Variants in POM121 observed in about 807,000 individuals in gnomAD.
POM121 encodes the protein nuclear envelope pore membrane protein POM 121.
In POM121, 32 loss-of-function variants were observed where a neutral mutation model predicts 81.3. That is an observed-to-expected ratio of 0.39 (90% CI 0.30 to 0.53). POM121 has a LOEUF of 0.53. Among genes scored for constraint, POM121 ranks in the 20% least tolerant of loss-of-function variants. The pLI, the probability that POM121 is intolerant of heterozygous loss-of-function variation, is 0.66. For synonymous variants in POM121, 514 were observed against 694.2 expected (o/e 0.74, Z 4.08); for missense variants, 1,138 against 1,614.6 (o/e 0.70, Z 5.06).
chr7:72,884,484 ATATAATATATATTTGATAG>A (rs1418487541), intron 1 of POM121, among the ~76,000 whole-genome samples: 9,335 of 58,200 alleles, frequency 0.16, 1,268 homozygotes, highest in African/African-American at 0.35. Flanking sequence ...AAATATATAC[ATATAATATATATTTGATAG>A]CAAATATATA....
chr7:72,943,549 C>T (rs1554502534), intron 11 of POM121, 27 bp downstream of exon 11: 1 of 1,600,600 alleles, frequency 6.2e-7, no homozygotes, highest in Non-Finnish European at 8.5e-7. Context: ...ACTTGGGCTA[C>T]CGGGCCGGAC....
chr7:72,902,280 G>A (rs1586096434), intron 3 of POM121, among the ~76,000 whole-genome samples: 1 of 83,152 alleles, frequency 1.2e-5, no homozygotes, highest in African/African-American at 4.7e-5. Flanking sequence ...TTTTTGAGAT[G>A]GAGTTTCGTT....
chr7:72,948,857 T>A, downstream of POM121: 1 of 1,577,036 alleles, frequency 6.3e-7, no homozygotes, highest in Non-Finnish European at 8.7e-7. Context: ...GTTCACCCCA[T>A]CCCCCCCTCC....
chr7:72,914,664 A>G (rs1794131726), intron 4 of POM121, among the ~76,000 whole-genome samples: 1 of 151,992 alleles, frequency 6.6e-6, no homozygotes, highest in Non-Finnish European at 1.5e-5. Flanking sequence ...GTGAGCCACC[A>G]TGCCTGGCCT....
chr7:72,920,152 G>T (rs1554495743), upstream of POM121, among the ~76,000 whole-genome samples: 1 of 151,982 alleles, frequency 6.6e-6, no homozygotes, highest in East Asian at 1.9e-4. Context: ...AAACATGTGG[G>T]ATATAGTTAA....
intron 4 of POM121, among the ~76,000 whole-genome samples, chr7:72,929,362 G>A (rs375920664): frequency 1.3e-5 from 2 of 152,232 alleles, no homozygotes; most frequent in South Asian, 2.1e-4. Context: ...CATGGTTGAC[G>A]TGGGTCACTC....
In POM121 at chr7:72,913,342, C is replaced by T. The variant is rs1410140231; in HGVS notation, c.-215-423C>T. On this transcript the variant is annotated intron_variant, in intron 3 of 15. Transcript: ENST00000395270. The stretch of plus-strand genomic sequence containing the variant: ...TATCCATAGCTGCCTCCGGCATCAG[C>T]AGAGAAAGTCATGGGCAGATGGAGC... Among the ~76,000 whole-genome samples the T allele has an allele frequency of 2.6e-5, 4 of 152,240 alleles. No individual in the cohort carries two copies. The South Asian group carries it at 8.3e-4, about 32-fold the overall frequency.
chr7:72,881,372 C>T (rs1156644830), intron 1 of POM121, among the ~76,000 whole-genome samples: 22 of 149,370 alleles, frequency 1.5e-4, no homozygotes, highest in Middle Eastern at 3.4e-3. Flanking sequence ...TGAGTGTTTG[C>T]AGGTTGAGTG....
At chr7:72,939,452 A>G in intron 7 of POM121, 43 bp downstream of exon 7, 6 of 1,611,428 alleles carry the variant, frequency 3.7e-6, no homozygotes, top group Non-Finnish European at 5.1e-6. Flanking sequence ...TTGGTGGTGG[A>G]GGTGTTTGTG....
At chr7:72,900,191 T>A (rs1792460178) in intron 3 of POM121, among the ~76,000 whole-genome samples, 2 of 152,218 alleles carry the variant, frequency 1.3e-5, no homozygotes. Context: ...TCATTGACTG[T>A]CATTTTGAGT....
chr7:72,905,966 T>C (rs2129575905), intron 3 of POM121, among the ~76,000 whole-genome samples: 1 of 152,338 alleles, frequency 6.6e-6, no homozygotes, highest in Middle Eastern at 3.4e-3. Flanking sequence ...AGTGTTACAA[T>C]GTAATGACCC....
intron 3 of POM121, among the ~76,000 whole-genome samples, chr7:72,911,662 G>A (rs1179549113): frequency 6.6e-6 from 1 of 152,106 alleles, no homozygotes; most frequent in Non-Finnish European, 1.5e-5. Flanking sequence ...CCTGTGACTC[G>A]CCTCAGCCTT....
intron 3 of POM121, among the ~76,000 whole-genome samples, chr7:72,895,955 C>T (rs1293984149): frequency 4.0e-5 from 6 of 151,376 alleles, no homozygotes; most frequent in Admixed American, 6.6e-5. Flanking sequence ...CAAAAACTTT[C>T]AGTGGCTCCC....
Position 72,942,847 on chromosome 7 carries a change from T to A in POM121, c.2854T>A (p.Phe952Ile). ...GAGCACCCCCACGTTCAACATTCCC[T>A]TTGGCTCAAGCGCCAAGTCCCCGCT... is the stretch of plus-strand genomic sequence containing the variant. Reference protein sequence around the residue: ...NTSTPTFNIPFGSSAKSPLPS... With the variant: ...NTSTPTFNIPIGSSAKSPLPS... The change falls in exon 11 of 13, where the codon TTT becomes ATT. Residue 952 changes from phenylalanine (F) to isoleucine (I), a missense_variant. Transcript: ENST00000434423. The A allele has an allele frequency of 1.3e-6, 2 of 1,577,872 alleles. No homozygotes were observed. Among genetic ancestry groups the A allele is most frequent in the East Asian group, 4.6e-5 (2 of 43,886 alleles).
At position 72,916,173 on chromosome 7, in the gene POM121, A is replaced by C. The variant is rs564286402; in HGVS notation, c.-152+2345A>C. ...TTGCTATACAGAAGCTCTTTAGTTT[A>C]GTTAGATCCCATTTGTCAATTTTGG... On this transcript the variant is annotated intron_variant, in intron 4 of 15. Transcript: ENST00000395270. Among the ~76,000 whole-genome samples the C allele has an allele frequency of 1.4e-3, 206 of 152,310 alleles. 2 individuals are homozygous for C. The highest frequency in any genetic ancestry group is 4.7e-3 in the African/African-American group (196 of 41,566).
intron 11 of POM121, among the ~76,000 whole-genome samples, chr7:72,944,779 TG>T (rs1486493543): frequency 6.8e-6 from 1 of 147,400 alleles, no homozygotes; most frequent in Non-Finnish European, 1.5e-5. Context: ...GCTGCAGGAG[TG>T]GTGGCAGGGG....
Position 72,926,264 on chromosome 7 carries a change from A to G in POM121, c.647A>G (p.Asp216Gly). The G allele has an allele frequency of 6.4e-7, 1 of 1,556,242 alleles. No individual in the cohort carries two copies. The highest frequency in any genetic ancestry group is 8.7e-7 in the Non-Finnish European group (1 of 1,149,180). ...LRPSRRPSPRDCGTLPNRFVI... is the reference protein window; with the variant it reads ...LRPSRRPSPRGCGTLPNRFVI... ...GATTTGTCTCGCATTCTCTGCAGGG[A>G]TTGTGGGACTTTACCAAATCGGTTT... The change falls in exon 2 of 13, where the codon GAT becomes GGT. Residue 216 changes from aspartate (D) to glycine (G), a missense_variant and splice_region_variant. By Grantham distance (94) the Asp-to-Gly change is moderately conservative. Around this residue, in one of 7 missense-constraint regions of POM121, gnomAD observed 646 missense variants for 633.5 expected, o/e 1.02. Coordinates refer to ENST00000434423, the MANE Select transcript of POM121 (RefSeq NM_001387691.1).
At chr7:72,912,185 G>T (rs555449317) in intron 3 of POM121, among the ~76,000 whole-genome samples, 2 of 152,100 alleles carry the variant, frequency 1.3e-5, no homozygotes, top group South Asian at 2.1e-4. Context: ...GAGCCACTGC[G>T]CCTGGCCTGG....
intron 3 of POM121, among the ~76,000 whole-genome samples, chr7:72,906,386 G>T (rs1262959623): frequency 6.6e-6 from 1 of 152,256 alleles, no homozygotes; most frequent in Non-Finnish European, 1.5e-5. Context: ...GCTGCTTCGG[G>T]AACTCAGGCT....
Sources: gnomAD v4.1 joint callset for allele counts (sites outside exome capture counted in the v4.1 genomes callset) on GRCh38, gnomAD v4.1.1 for gene constraint, gnomAD v4.1.1 regional missense constraint, MANE v1.5 for transcripts, NCBI Gene and HGNC (gene_info 2026-07-23, HGNC 2026-07-21) for gene names.